Variants in SLC7A9 observed in about 807,000 individuals in gnomAD.
SLC7A9 encodes the protein solute carrier family 7 member 9.
Under a neutral mutation model 54.1 loss-of-function variants are expected in SLC7A9, and 38 were observed. The observed-to-expected ratio is 0.70, with a 90% CI of 0.54 to 0.92. The LOEUF is 0.92. Ranked by LOEUF, SLC7A9 falls within the 40% of genes least tolerant of loss-of-function variation. The probability of loss-of-function intolerance (pLI) is 0.00; values close to 1 mark genes in which losing one functional copy is unlikely to be tolerated. For synonymous variants in SLC7A9, 264 were observed against 258.9 expected (o/e 1.02, Z -0.19); for missense variants, 537 against 636.1 (o/e 0.84, Z 1.68).
intron 6 of SLC7A9, among the ~76,000 whole-genome samples, 160 bp downstream of exon 6, chr19:32,861,958 A>G: frequency 6.6e-6 from 1 of 152,076 alleles, no homozygotes; most frequent in Admixed American, 6.6e-5. Flanking sequence ...TAAAGGGGAG[A>G]GGTTGTCGCA....
intron 11 of SLC7A9, among the ~76,000 whole-genome samples, chr19:32,837,173 G>A (rs1967982503): frequency 6.6e-6 from 1 of 152,036 alleles, no homozygotes; most frequent in Non-Finnish European, 1.5e-5. Context: ...CCAGGCCTGT[G>A]TCCCTTCTTT....
rs777371504 is a variant in SLC7A9 at position 32,860,633 on chromosome 19, A to G, written c.722T>C (p.Ile241Thr). The change falls in exon 7 of 13, where the codon ATC becomes ACC. Residue 241 changes from isoleucine to threonine, a missense_variant. Transcript: ENST00000023064. ...AYDGWNQLNY[I>T]TEELRNPYRN... ...GTAAGGGTTTCTAAGTTCTTCTGTG[A>G]TGTAATTGAGTTGATTCCTGGAAAA... is the stretch of plus-strand genomic sequence containing the variant. 2 of 1,614,150 alleles carry G rather than the reference A, an allele frequency of 1.2e-6. No individual in the cohort carries two copies. The highest frequency in any genetic ancestry group is 1.7e-6 in the Non-Finnish European group (2 of 1,180,038).
intron 9 of SLC7A9, among the ~76,000 whole-genome samples, chr19:32,849,779 T>G (rs12974372): frequency 0.48 from 66,719 of 138,074 alleles, 11,218 homozygotes; most frequent in East Asian, 0.69. Context: ...GCAAAAATCC[T>G]CAATAAAATA....
In SLC7A9 at chr19:32,842,317, CCTA is replaced by C; in HGVS notation, c.1075-3_1075-1del. The C allele has an allele frequency of 6.2e-7, 1 of 1,612,944 alleles. No individual in the cohort carries two copies. On this transcript the variant is annotated splice_acceptor_variant and splice_polypyrimidine_tract_variant and intron_variant, in intron 10 of 12. Coordinates refer to ENST00000023064, the MANE Select transcript of SLC7A9 (RefSeq NM_014270.5). LOFTEE classifies it high-confidence loss of function. The stretch of plus-strand genomic sequence containing the variant: ...ATGATATAAATCGTTGCTATGATAC[CCTA>C]ATAGAAAGAAGAATGGATTTGTAGG...
intron 11 of SLC7A9, among the ~76,000 whole-genome samples, chr19:32,838,848 CATATATAGTACACATATATGTATATA>C (rs1276355961): frequency 1.3e-5 from 2 of 149,224 alleles, no homozygotes; most frequent in South Asian, 2.1e-4. Context: ...ACATTATACA[CATATATAGTACACATATATGTATATA>C]TTATGTATAA....
chr19:32,845,427 G>A (rs181629326), intron 9 of SLC7A9, among the ~76,000 whole-genome samples: 14 of 150,014 alleles, frequency 9.3e-5, no homozygotes, highest in Admixed American at 2.7e-4. Flanking sequence ...CCTGGGAAGC[G>A]GAGGTTGCAG....
rs769522773 is a variant in SLC7A9 at position 32,862,128 on chromosome 19, A to C, written c.694T>G (p.Tyr232Asp). 6.2e-7 allele frequency: 1 copy of C among 1,610,286 alleles called. No homozygotes were observed. The highest frequency in any genetic ancestry group is 8.5e-7 in the Non-Finnish European group (1 of 1,176,814). The change falls in exon 6 of 13, where the codon TAT becomes GAT. Residue 232 changes from tyrosine to aspartate, a missense_variant. Physicochemically the swap from Tyr to Asp is radical, Grantham distance 160 (BLOSUM62 -3). Coordinates refer to ENST00000023064, the MANE Select transcript of SLC7A9 (RefSeq NM_014270.5). ...CTCAGGACACCTCACCATCCATCAT[A>C]GGCCCAGAGTCCATTGTAAAACGCC... ...SLAFYNGLWAYDGWNQLNYIT... is the reference protein window; with the variant it reads ...SLAFYNGLWADDGWNQLNYIT...
chr19:32,864,875 C>A (rs146897697), intron 2 of SLC7A9, 99 bp from the exon 3 acceptor site: 1 of 1,524,192 alleles, frequency 6.6e-7, no homozygotes. Context: ...GCGGCCCCAG[C>A]CAAAGCCCAT....
intron 11 of SLC7A9, among the ~76,000 whole-genome samples, chr19:32,840,701 G>A (rs1160482507): frequency 1.3e-5 from 2 of 152,026 alleles, no homozygotes; most frequent in Non-Finnish European, 2.9e-5. Context: ...TATCCTTCTG[G>A]AAAGGAGTTT....
rs386388892 is a variant in SLC7A9 at position 32,844,857 on chromosome 19, C to CAAAAAAAAAAAAAAAAAAAAAAAAA, written c.978-931_978-907dup. Among the ~76,000 whole-genome samples, 26 of 30,314 alleles carry CAAAAAAAAAAAAAAAAAAAAAAAAA rather than the reference C, an allele frequency of 8.6e-4. 2 individuals carry two copies. The highest frequency in any genetic ancestry group is 1.4e-3 in the Non-Finnish European group (24 of 16,988). 19.9% of individuals were successfully genotyped at this position (30,314 alleles called of 152,430 possible). On this transcript the variant is annotated intron_variant, in intron 9 of 12. Coordinates refer to ENST00000023064, the MANE Select transcript of SLC7A9 (RefSeq NM_014270.5). Reference sequence around the variant, plus strand: ...TGGACGACAGAGTGAGAATCCATCTCAAAAAAAAAAAAAAAAAAAAAAAAA... The same window carrying CAAAAAAAAAAAAAAAAAAAAAAAAA: ...TGGACGACAGAGTGAGAATCCATCTCAAAAAAAAAAAAAAAAAAAAAAAAAAAAAAAAAAAAAAAAAAAAAAAAAA...
intron 4 of SLC7A9, 150 bp downstream of exon 4, chr19:32,863,946 T>G: frequency 3.2e-6 from 4 of 1,254,054 alleles, no homozygotes; most frequent in Non-Finnish European, 4.5e-6. Flanking sequence ...GGGTCCCCAG[T>G]GTGCAGCACC....
chr19:32,868,482 C>T lies in SLC7A9; in HGVS notation c.53G>A (p.Ser18Asn). The change falls in exon 2 of 13, where the codon AGC becomes AAC. Residue 18 changes from serine to asparagine, a missense_variant. Physicochemically the swap from Ser to Asn is conservative, Grantham distance 46. Coordinates refer to ENST00000023064, the MANE Select transcript of SLC7A9 (RefSeq NM_014270.5). ...KRREDEKSIQ[S>N]QEPKTTSLQK... ...GAGACTGGTGGTCTTAGGCTCTTGG[C>T]TCTGGATCGACTTCTCATCCTCTCT... 6.2e-7 allele frequency: 1 copy of T among 1,614,114 alleles called. No homozygotes were observed. Among genetic ancestry groups the T allele is most frequent in the South Asian group, 1.1e-5 (1 of 91,078 alleles).
intron 8 of SLC7A9, 52 bp from the exon 9 acceptor site, chr19:32,858,595 C>G: frequency 7.0e-7 from 1 of 1,436,876 alleles, no homozygotes. Context: ...CCTCCAAGAG[C>G]GGCCGGCCCC....
At chr19:32,842,111 A>G in intron 11 of SLC7A9, 57 bp downstream of exon 11, 2 of 1,548,148 alleles carry the variant, frequency 1.3e-6, no homozygotes, top group African/African-American at 2.7e-5. Context: ...TGAAAGAGTT[A>G]CATCTAATTC....
intron 11 of SLC7A9, among the ~76,000 whole-genome samples, chr19:32,833,696 C>G (rs1324795185): frequency 6.6e-6 from 1 of 151,864 alleles, no homozygotes; most frequent in Non-Finnish European, 1.5e-5. Context: ...TCCTCAGGAG[C>G]TGAGGCAGGA....
rs138301517 is a variant in SLC7A9 at position 32,862,074 on chromosome 19, A to G, written c.704+44T>C. On this transcript the variant is annotated intron_variant, in intron 6 of 12. Coordinates refer to ENST00000023064, the MANE Select transcript of SLC7A9 (RefSeq NM_014270.5). ...CAGGTGGAGTTAAAGTCACCTGGAG[A>G]ACCCCACCCACCCCCAGACTCGGGA... 796 of 1,318,130 alleles carry G rather than the reference A, an allele frequency of 6.0e-4. 4 individuals are homozygous for G. In the African/African-American group the frequency reaches 9.5e-3, roughly 16 times the overall value. The allele number at this position is 1,318,130 out of a possible 1,614,324, so 81.7% of individuals were successfully genotyped here.
At chr19:32,867,232 C>T (rs1204441025) in intron 2 of SLC7A9, among the ~76,000 whole-genome samples, 3 of 152,204 alleles carry the variant, frequency 2.0e-5, no homozygotes, top group Non-Finnish European at 4.4e-5. Context: ...CTGGGCACAG[C>T]GACTCACGCC....
chr19:32,867,016 C>G (rs1056848382), intron 2 of SLC7A9, among the ~76,000 whole-genome samples: 2 of 152,182 alleles, frequency 1.3e-5, no homozygotes, highest in Non-Finnish European at 2.9e-5. Flanking sequence ...TTCTGCCTTC[C>G]CCCCAGCCCC....
chr19:32,844,857 C>CAAAA (rs386388892), intron 9 of SLC7A9, among the ~76,000 whole-genome samples: 821 of 30,308 alleles, frequency 0.027, 270 homozygotes, highest in East Asian at 0.067. Flanking sequence ...GAATCCATCT[C>CAAAA]AAAAAAAAAA....
Sources: gnomAD v4.1 joint callset for allele counts (sites outside exome capture counted in the v4.1 genomes callset) on GRCh38, gnomAD v4.1.1 for gene constraint, MANE v1.5 for transcripts, NCBI Gene and HGNC (gene_info 2026-07-23, HGNC 2026-07-21) for gene names.